The following ATP2A3 variants were observed in gnomAD, a reference collection of about 807,000 sequenced individuals.
The protein encoded by ATP2A3 is ATPase sarcoplasmic/endoplasmic reticulum Ca2+ transporting 3.
A neutral mutation model predicts 106.8 loss-of-function variants in ATP2A3; 61 were observed. That is an observed-to-expected ratio of 0.57 (90% CI 0.46 to 0.71). The LOEUF (loss-of-function observed/expected upper bound fraction) is 0.71, where lower values mean the gene tolerates loss of function less well. Ranked by LOEUF, ATP2A3 falls within the 30% of genes least tolerant of loss-of-function variation. The pLI, the probability that ATP2A3 is intolerant of heterozygous loss-of-function variation, is 0.00. For missense variants in ATP2A3, 1,201 were observed against 1,423.5 expected (o/e 0.84, Z 2.52); for synonymous variants, 611 against 609.3 (o/e 1.00, Z -0.04).
At chr17:3,954,262 C>T (rs2054625000) in intron 1 of ATP2A3, among the ~76,000 whole-genome samples, 2 of 152,118 alleles carry the variant, frequency 1.3e-5, no homozygotes, top group South Asian at 4.1e-4. Context: ...AGGTCTGCAG[C>T]TGGGCCGGCC....
chr17:3,944,756 T>G lies in ATP2A3; in HGVS notation c.1235A>C (p.Glu412Ala). 6.2e-7 allele frequency: 1 copy of G among 1,613,036 alleles called. No homozygotes were observed. The highest frequency in any genetic ancestry group is 1.1e-5 in the South Asian group (1 of 91,052). Residue 412 changes from glutamate (E) to alanine (A), a missense_variant, in exon 10 of 21, where the codon GAG (glutamate) becomes GCG (alanine). Around this residue, in one of 2 missense-constraint regions of ATP2A3, gnomAD observed 935 missense variants for 1,176.7 expected, o/e 0.79. Coordinates refer to ENST00000397041, the MANE Select transcript of ATP2A3 (RefSeq NM_005173.4). ...VRCGQFDGLV[E>A]LATICALCND... ...GCACAGGGCGCAGATGGTCGCCAGC[T>G]CCACCAGCCCGTCGAACTGGCCGCA...
chr17:3,939,786 T>TTAAA lies in ATP2A3; in HGVS notation c.2100+1184_2100+1185insTTTA, dbSNP rs1555558101. On this transcript the variant is annotated intron_variant, in intron 14 of 20. Transcript: ENST00000397041. ...CTGGGTGACAGAGCGAGACTCTGTC[T>TTAAA]AAAAAAAAAAAAAAAAAAAAAAAAA... Among the ~76,000 whole-genome samples, 27 of 50,526 alleles carry TTAAA rather than the reference T, an allele frequency of 5.3e-4. 1 individual carries two copies. Among genetic ancestry groups the TTAAA allele is most frequent in the African/African-American group, 1.4e-3 (23 of 16,122 alleles). 33.1% of individuals were successfully genotyped at this position (50,526 alleles called of 152,430 possible). A position where few individuals can be genotyped will look rare whatever the true frequency, so the allele number is the denominator to read the frequency against.
At position 3,924,838 on chromosome 17, in the gene ATP2A3, G is replaced by A. The variant is rs1273647346; in HGVS notation, c.*584C>T. The stretch of plus-strand genomic sequence containing the variant: ...AACAGAAGCAGCCTCGAGCTCTCGG[G>A]AGCCGACTTTGTGGAAGCAGAGTGG... On this transcript the variant is annotated 3_prime_UTR_variant, in exon 21 of 21. Transcript: ENST00000397041. The surrounding 1 kb of genome is among the most constrained non-coding windows in gnomAD (Gnocchi z 6.4). 5 of 456,712 alleles carry A rather than the reference G, an allele frequency of 1.1e-5. No homozygotes were observed. Among genetic ancestry groups the A allele is most frequent in the Non-Finnish European group, 2.2e-5 (5 of 227,044 alleles). The allele number at this position is 456,712 out of a possible 1,614,324, so 28.3% of individuals were successfully genotyped here. A position where few individuals can be genotyped will look rare whatever the true frequency, so the allele number is the denominator to read the frequency against.
In ATP2A3 at chr17:3,943,505, C is replaced by T. The variant is rs1260919019; in HGVS notation, c.1305G>A (p.Glu435=). Residue 435 remains glutamate (E), a synonymous_variant, in exon 11 of 21, where the codon GAG becomes GAA. Transcript: ENST00000397041. ...CTGTCTCCGTGGCCTCTCCCACCTT[C>T]TCATACACACCCTTGGCCTGGCAAG... ...LDYNEAKGVY[E]KVGEATETAL... 14 of 1,614,030 alleles carry T rather than the reference C, an allele frequency of 8.7e-6. No homozygotes were observed. The highest frequency in any genetic ancestry group is 1.3e-5 in the African/African-American group (1 of 74,930).
At position 3,930,280 on chromosome 17, in the gene ATP2A3, C is replaced by G; in HGVS notation, c.2744+21G>C. On this transcript the variant is annotated intron_variant, in intron 18 of 20. Transcript: ENST00000397041. This position sits in a 1 kb window ranked among gnomAD's most constrained non-coding sequence, Gnocchi z 5.4. ...AGCCCCCACTCCTCGGCCCCAGCTCCAGGCCCTGCGCCCAGCCTACCTGTT... is the reference window on the plus strand; with the variant it reads ...AGCCCCCACTCCTCGGCCCCAGCTCGAGGCCCTGCGCCCAGCCTACCTGTT... The G allele has an allele frequency of 6.4e-7, 1 of 1,555,968 alleles. No homozygotes were observed. The highest frequency in any genetic ancestry group is 8.7e-7 in the Non-Finnish European group (1 of 1,149,620).
In ATP2A3 at chr17:3,925,914, C is replaced by G. The variant is rs372811445; in HGVS notation, c.2981-473G>C. ...GTCTTACCGTCCCATCATACTTCTG[C>G]CCCTAGCATCAAGCAAAAGCCGAAA... is the stretch of plus-strand genomic sequence containing the variant. On this transcript the variant is annotated intron_variant, in intron 20 of 20. Coordinates refer to ENST00000397041, the MANE Select transcript of ATP2A3 (RefSeq NM_005173.4). The surrounding 1 kb of genome is among the most constrained non-coding windows in gnomAD (Gnocchi z 4.2). Among the ~76,000 whole-genome samples, 8 of 151,550 alleles carry G rather than the reference C, an allele frequency of 5.3e-5. No individual in the cohort carries two copies. In the East Asian group the frequency reaches 7.8e-4, roughly 15 times the overall value.
At chr17:3,959,506 G>A (rs768854141) in intron 1 of ATP2A3, among the ~76,000 whole-genome samples, 1 of 152,176 alleles carries the variant, frequency 6.6e-6, no homozygotes, top group African/African-American at 2.4e-5. Context: ...GGGGGTAAGC[G>A]ATGCCCCTGG....
chr17:3,945,175 C>T, intron 8 of ATP2A3, 27 bp from the exon 9 acceptor site: 1 of 1,537,154 alleles, frequency 6.5e-7, no homozygotes, highest in Non-Finnish European at 8.8e-7. Flanking sequence ...CGTGCTTAGG[C>T]GGGCGGGGTC....
At chr17:3,950,815 C>A in intron 5 of ATP2A3, 42 bp from the exon 6 acceptor site, 1 of 1,593,474 alleles carries the variant, frequency 6.3e-7, no homozygotes, top group Middle Eastern at 2.2e-4. Context: ...GCTTTGGGCA[C>A]CACCAGCTGG....
chr17:3,928,663 C>T lies in ATP2A3; in HGVS notation c.2980G>A (p.Glu994Lys), dbSNP rs750110323. The change falls in exon 20 of 21, where the codon GAA becomes AAA. Residue 994 changes from glutamate (E) to lysine (K), a missense_variant and splice_region_variant. By Grantham distance (56) the Glu-to-Lys change is moderately conservative. Transcript: ENST00000397041. The surrounding 1 kb of genome is among the most constrained non-coding windows in gnomAD (Gnocchi z 6.1). Reference protein sequence around the residue: ...LKYLSRNHMHEEMSQK With the variant: ...LKYLSRNHMHKEMSQK ...AGGCGGGACGGGGCCTCCCACTCACCGTGCATGTGGTTCCGGGACAGGTAC... is the reference window on the plus strand; with the variant it reads ...AGGCGGGACGGGGCCTCCCACTCACTGTGCATGTGGTTCCGGGACAGGTAC... 5.2e-6 allele frequency: 8 copies of T among 1,549,980 alleles called. No homozygotes were observed. The Admixed American group carries it at 5.9e-5, about 11-fold the overall frequency.
chr17:3,933,468 T>C (rs1218707480), intron 17 of ATP2A3, among the ~76,000 whole-genome samples: 1 of 151,118 alleles, frequency 6.6e-6, no homozygotes, highest in Non-Finnish European at 1.5e-5. Flanking sequence ...CCGGGTGCCG[T>C]GGCTCACGCC....
chr17:3,931,482 C>T (rs915279888), intron 17 of ATP2A3, among the ~76,000 whole-genome samples: 2 of 151,916 alleles, frequency 1.3e-5, no homozygotes, highest in South Asian at 4.1e-4. Context: ...AAATATAGAT[C>T]CTGCTCTTGG....
Position 3,941,224 on chromosome 17 carries a change from T to C in ATP2A3, c.1847A>G (p.Gln616Arg). Residue 616 changes from glutamine (Q) to arginine (R), a missense_variant, in exon 14 of 21, where the codon CAG (glutamine) becomes CGG (arginine). Around this residue, in one of 2 missense-constraint regions of ATP2A3, gnomAD observed 935 missense variants for 1,176.7 expected, o/e 0.79. Coordinates refer to ENST00000397041, the MANE Select transcript of ATP2A3 (RefSeq NM_005173.4). ...GATCATGACCACGCGGATGCCCGCC[T>C]GGTAGCAGCGTGTGATGCAGGCAGC... ...EVAACITRCY[Q>R]AGIRVVMITG... 6.2e-7 allele frequency: 1 copy of C among 1,614,092 alleles called. No homozygotes were observed. Among genetic ancestry groups the C allele is most frequent in the East Asian group, 2.2e-5 (1 of 44,884 alleles).
intron 1 of ATP2A3, among the ~76,000 whole-genome samples, chr17:3,956,505 G>C (rs1269529900): frequency 6.6e-6 from 1 of 152,228 alleles, no homozygotes; most frequent in Non-Finnish European, 1.5e-5. Context: ...GCCACATGCA[G>C]CTGGCGAGCC....
chr17:3,937,747 CAGTT>C (rs2144400996), intron 14 of ATP2A3, 111 bp from the exon 15 acceptor site: 4 of 1,100,680 alleles, frequency 3.6e-6, no homozygotes, highest in South Asian at 2.7e-5. Flanking sequence ...AGGAAGCAGA[CAGTT>C]AGACAGAACA....
At position 3,937,540 on chromosome 17, in the gene ATP2A3, T is replaced by C. The variant is rs751377075; in HGVS notation, c.2197A>G (p.Met733Val). Residue 733 changes from methionine to valine, a missense_variant, in exon 15 of 21, where the codon ATG becomes GTG. Around this residue, in one of 2 missense-constraint regions of ATP2A3, gnomAD observed 935 missense variants for 1,176.7 expected, o/e 0.79. Coordinates refer to ENST00000397041, the MANE Select transcript of ATP2A3 (RefSeq NM_005173.4). Reference sequence around the variant, plus strand: ...GCAAAGTTGTCATCTGACAGCACCATCTCTGCCGCCGACTTGGCCACGGCC... The same window carrying C: ...GCAAAGTTGTCATCTGACAGCACCACCTCTGCCGCCGACTTGGCCACGGCC... Reference protein sequence around the residue: ...GTAVAKSAAEMVLSDDNFASI... With the variant: ...GTAVAKSAAEVVLSDDNFASI... 32 of 1,613,940 alleles carry C rather than the reference T, an allele frequency of 2.0e-5. No homozygotes were observed. The highest frequency in any genetic ancestry group is 2.6e-5 in the Non-Finnish European group (31 of 1,180,020).
intron 7 of ATP2A3, among the ~76,000 whole-genome samples, chr17:3,949,038 G>A (rs987047809): frequency 6.8e-6 from 1 of 147,648 alleles, no homozygotes; most frequent in Non-Finnish European, 1.5e-5. Flanking sequence ...TGAGGCAGGA[G>A]AATCGCTTGA....
chr17:3,929,201 G>T lies in ATP2A3; in HGVS notation c.2862+127C>A, dbSNP rs2052898230. Reference sequence around the variant, plus strand: ...GGGGCCACAGCTGGAGGTGGTGGCTGGCCAGACCTCTCACCTCCCTCTCCT... The same window carrying T: ...GGGGCCACAGCTGGAGGTGGTGGCTTGCCAGACCTCTCACCTCCCTCTCCT... On this transcript the variant is annotated intron_variant, in intron 19 of 20. Coordinates refer to ENST00000397041, the MANE Select transcript of ATP2A3 (RefSeq NM_005173.4). This position sits in a 1 kb window ranked among gnomAD's most constrained non-coding sequence, Gnocchi z 4.3. 2.3e-6 allele frequency: 2 copies of T among 879,108 alleles called. No individual in the cohort carries two copies. The highest frequency in any genetic ancestry group is 3.5e-6 in the Non-Finnish European group (2 of 573,846). The allele number at this position is 879,108 out of a possible 1,614,324, so 54.5% of individuals were successfully genotyped here.
rs766142744 is a variant in ATP2A3 at position 3,953,731 on chromosome 17, C to T, written c.119-21G>A. On this transcript the variant is annotated intron_variant, in intron 1 of 20. Transcript: ENST00000397041. This position sits in a 1 kb window ranked among gnomAD's most constrained non-coding sequence, Gnocchi z 5.1. ...GAGCTCTGCAGGATCCAGGCAGCCA[C>T]GGGAGCCATGAGGAGACAAGAGAGG... 3.3e-5 allele frequency: 51 copies of T among 1,568,586 alleles called. No individual in the cohort carries two copies. The highest frequency in any genetic ancestry group is 4.3e-5 in the Non-Finnish European group (50 of 1,156,634).
Sources: allele counts gnomAD v4.1 joint callset (sites outside exome capture counted in the v4.1 genomes callset), GRCh38; gene constraint gnomAD v4.1.1; regional missense constraint gnomAD v4.1.1; non-coding constraint Gnocchi (gnomAD v3.1); transcripts MANE v1.5; gene names NCBI Gene and HGNC (gene_info 2026-07-23, HGNC 2026-07-21).